IQSEC1: variants seen among roughly 807,000 people sequenced by gnomAD.
IQSEC1 encodes the protein IQ motif and Sec7 domain ArfGEF 1.
IQSEC1 carries 31 observed loss-of-function variants against 91.0 expected under a neutral mutation model. That is an observed-to-expected ratio of 0.34 (90% CI 0.26 to 0.46). The LOEUF (loss-of-function observed/expected upper bound fraction) is 0.46, where lower values mean the gene tolerates loss of function less well. Among genes scored for constraint, IQSEC1 ranks in the 20% least tolerant of loss-of-function variants. The pLI, the probability that IQSEC1 is intolerant of heterozygous loss-of-function variation, is 1.00. For missense variants in IQSEC1, 1,388 were observed against 1,575.6 expected (o/e 0.88, Z 2.02); for synonymous variants, 699 against 662.6 (o/e 1.05, Z -0.84).
rs914044364 is a variant in IQSEC1 at position 12,967,843 on chromosome 3, A to G, written c.24-25978T>C. 839 of 242,570 alleles carry G rather than the reference A, an allele frequency of 3.5e-3. 4 individuals carry two copies. The highest frequency in any genetic ancestry group is 3.8e-3 in the Non-Finnish European group (618 of 161,936). 15.0% of individuals were successfully genotyped at this position (242,570 alleles called of 1,614,324 possible). A position where few individuals can be genotyped will look rare whatever the true frequency, so the allele number is the denominator to read the frequency against. ...AGACTGCACGGAGCGTGTGGGGAAG[A>G]GAGCACAGGAGGCGTGGCCACACGG... On this transcript the variant is annotated intron_variant, in intron 1 of 13. Transcript: ENST00000613206. This position sits in a 1 kb window ranked among gnomAD's most constrained non-coding sequence, Gnocchi z 5.9.
At chr3:13,111,346 C>G (rs796324232) in intron 2 of IQSEC1, among the ~76,000 whole-genome samples, 1 of 152,214 alleles carries the variant, frequency 6.6e-6, no homozygotes, top group South Asian at 2.1e-4. Flanking sequence ...TGGTGAGGGG[C>G]TGCTGGTGGC....
chr3:12,922,293 C>T lies in IQSEC1; in HGVS notation c.1731-51G>A, dbSNP rs372099973. On this transcript the variant is annotated intron_variant, in intron 4 of 13. Transcript: ENST00000613206. The surrounding 1 kb of genome is among the most constrained non-coding windows in gnomAD (Gnocchi z 5.1). ...ATAAGCACCCCTTGCAGGTGCGACA[C>T]GCCCAGCCCACCCCCAGGTGGTGGT... 2.5e-5 allele frequency: 37 copies of T among 1,475,728 alleles called. No individual in the cohort carries two copies. The African/African-American group carries it at 3.1e-4, about 12-fold the overall frequency. The allele number at this position is 1,475,728 out of a possible 1,614,324, so 91.4% of individuals were successfully genotyped here.
At chr3:13,095,936 C>G (rs144413155) in intron 2 of IQSEC1, among the ~76,000 whole-genome samples, 1 of 152,360 alleles carries the variant, frequency 6.6e-6, no homozygotes, top group East Asian at 1.9e-4. Context: ...CACATGCCTG[C>G]ATTCCCTCAT....
At chr3:12,972,014 AAAACAAACAAAC>A (rs56174337) in intron 1 of IQSEC1, among the ~76,000 whole-genome samples, 6 of 148,490 alleles carry the variant, frequency 4.0e-5, no homozygotes, top group Admixed American at 6.7e-5. Flanking sequence ...ACTCCATCTC[AAAACAAACAAAC>A]AAACAAACAA....
chr3:13,150,438 C>T (rs1056231721), intron 2 of IQSEC1, among the ~76,000 whole-genome samples: 2 of 152,208 alleles, frequency 1.3e-5, no homozygotes, highest in Non-Finnish European at 2.9e-5. Context: ...CAGTTCCAAA[C>T]CCATCTTTCT....
chr3:13,007,178 C>T (rs969159669), intron 1 of IQSEC1, among the ~76,000 whole-genome samples: 1 of 152,198 alleles, frequency 6.6e-6, no homozygotes, highest in Non-Finnish European at 1.5e-5. Context: ...GAGGGAATCA[C>T]GTGTCTTCAT....
At chr3:13,156,448 T>C (rs1318051979) in intron 2 of IQSEC1, among the ~76,000 whole-genome samples, 1 of 152,176 alleles carries the variant, frequency 6.6e-6, no homozygotes, top group Non-Finnish European at 1.5e-5. Flanking sequence ...TTGGAAGTCC[T>C]AGATAGGCAA....
chr3:13,220,952 G>A (rs375396606), intron 1 of IQSEC1, among the ~76,000 whole-genome samples: 7 of 152,328 alleles, frequency 4.6e-5, no homozygotes, highest in Admixed American at 1.3e-4. Context: ...TTCTCAAACC[G>A]GCTTCAAGAG....
chr3:13,283,096 G>A (rs1395798086), exon 1 of IQSEC1, among the ~76,000 whole-genome samples: 1 of 144,120 alleles, frequency 6.9e-6, no homozygotes, highest in Non-Finnish European at 1.5e-5. Flanking sequence ...GGGCTGCCGC[G>A]GCCCCGCCTC....
At chr3:13,231,558 G>GC (rs34215955) in intron 1 of IQSEC1, among the ~76,000 whole-genome samples, 81,379 of 151,648 alleles carry the variant, frequency 0.54, 22,181 homozygotes, top group East Asian at 0.86. Context: ...CCTCCCAACG[G>GC]CCCCACCTTC....
chr3:13,154,950 AAC>A (rs1466058151), intron 2 of IQSEC1, among the ~76,000 whole-genome samples: 1 of 152,196 alleles, frequency 6.6e-6, no homozygotes, highest in Non-Finnish European at 1.5e-5. Flanking sequence ...GAAGAAAAAA[AAC>A]ACAACATAGC....
chr3:12,977,578 G>C (rs1302999687), intron 1 of IQSEC1, among the ~76,000 whole-genome samples: 1 of 152,186 alleles, frequency 6.6e-6, no homozygotes, highest in Non-Finnish European at 1.5e-5. Context: ...GGCAGGGCCG[G>C]GGCTGCATTC....
At position 12,970,875 on chromosome 3, in the gene IQSEC1, C is replaced by T. The variant is rs1055049021; in HGVS notation, c.24-29010G>A. On this transcript the variant is annotated intron_variant, in intron 1 of 13. Coordinates refer to ENST00000613206, the MANE Select transcript of IQSEC1 (RefSeq NM_001134382.3). The surrounding 1 kb of genome is among the most constrained non-coding windows in gnomAD (Gnocchi z 4.4). ...TGTATTCCAACTGCCAGGGCTGGTT[C>T]TATGTCCTTCCCTGCAGCAGCCCCT... 6.6e-6 allele frequency among the ~76,000 whole-genome samples: 1 copy of T among 152,226 alleles called. No individual in the cohort carries two copies.
At chr3:13,163,502 C>T (rs1707218098) in intron 2 of IQSEC1, among the ~76,000 whole-genome samples, 2 of 134,290 alleles carry the variant, frequency 1.5e-5, no homozygotes, top group African/African-American at 5.8e-5. Context: ...TGCTGGGCCT[C>T]AGGCCCCGTG....
chr3:12,985,721 T>A (rs1366012755), intron 1 of IQSEC1, among the ~76,000 whole-genome samples: 2 of 151,982 alleles, frequency 1.3e-5, no homozygotes, highest in Non-Finnish European at 2.9e-5. Flanking sequence ...GGATGGAGGG[T>A]GATAAACGTT....
intron 3 of IQSEC1, among the ~76,000 whole-genome samples, chr3:12,934,324 C>T (rs1697970534): frequency 6.6e-6 from 1 of 152,226 alleles, no homozygotes. Flanking sequence ...TCCCCAGAGG[C>T]TCTTCCTGAG....
chr3:12,937,735 C>T (rs1698330574), intron 2 of IQSEC1, among the ~76,000 whole-genome samples: 1 of 152,248 alleles, frequency 6.6e-6, no homozygotes, highest in South Asian at 2.1e-4. Flanking sequence ...GAAAGACCCT[C>T]AGCTGCATTC....
At chr3:13,067,681 A>T (rs1705282020) in intron 1 of IQSEC1, among the ~76,000 whole-genome samples, 1 of 152,200 alleles carries the variant, frequency 6.6e-6, no homozygotes, top group Non-Finnish European at 1.5e-5. Context: ...GGCCCCACCC[A>T]CAAGGGCACA....
At chr3:13,162,802 A>G (rs357175) in intron 2 of IQSEC1, among the ~76,000 whole-genome samples, 136,697 of 152,158 alleles carry the variant, frequency 0.9, 61,628 homozygotes, top group African/African-American at 0.97. Context: ...TCCAGGGTGG[A>G]GCCATGTGGC....
Sources: gnomAD v4.1 joint callset for allele counts (sites outside exome capture counted in the v4.1 genomes callset) on GRCh38, gnomAD v4.1.1 for gene constraint, Gnocchi (gnomAD v3.1) non-coding constraint, MANE v1.5 for transcripts, NCBI Gene and HGNC (gene_info 2026-07-23, HGNC 2026-07-21) for gene names.